Variants in FHIT observed in about 807,000 individuals in gnomAD.
The protein encoded by FHIT is fragile histidine triad diadenosine triphosphatase, also known as bis(5'-adenosyl)-triphosphatase.
FHIT carries 19 observed loss-of-function variants against 17.9 expected under a neutral mutation model. The observed-to-expected ratio is 1.06, with a 90% confidence interval of 0.74 to 1.56. The LOEUF (loss-of-function observed/expected upper bound fraction) is 1.56. Ranked by LOEUF, FHIT falls within the 40% of genes most tolerant of loss-of-function variation. The probability of loss-of-function intolerance (pLI) is 0.00; values close to 1 mark genes in which losing one functional copy is unlikely to be tolerated. For missense variants in FHIT, 248 were observed against 189.2 expected (o/e 1.31, Z -1.82); for synonymous variants, 81 against 69.7 (o/e 1.16, Z -0.81).
intron 8 of FHIT, among the ~76,000 whole-genome samples, chr3:59,908,680 T>A (rs546146831): frequency 1.3e-5 from 2 of 151,782 alleles, no homozygotes; most frequent in African/African-American, 4.8e-5. Context: ...GAATACAGAA[T>A]CTGAATTGAG....
chr3:60,174,355 T>C (rs1701571706), intron 5 of FHIT, among the ~76,000 whole-genome samples: 1 of 152,114 alleles, frequency 6.6e-6, no homozygotes, highest in Non-Finnish European at 1.5e-5. Context: ...TTCCCTTTGA[T>C]AGTACTCTTG....
chr3:60,300,073 G>A (rs927157887), intron 5 of FHIT, among the ~76,000 whole-genome samples: 1 of 151,976 alleles, frequency 6.6e-6, no homozygotes, highest in African/African-American at 2.4e-5. Flanking sequence ...AACGTCTAGG[G>A]AATTCACTAC....
chr3:60,959,086 T>G (rs576762207), intron 3 of FHIT, among the ~76,000 whole-genome samples: 1 of 152,312 alleles, frequency 6.6e-6, no homozygotes, highest in African/African-American at 2.4e-5. Context: ...ATATTCATAA[T>G]GGTCCTCATG....
chr3:61,146,803 C>T (rs1233999202), intron 2 of FHIT, among the ~76,000 whole-genome samples: 1 of 152,008 alleles, frequency 6.6e-6, no homozygotes, highest in East Asian at 1.9e-4. Context: ...AAACTATTCA[C>T]ATGGACATAC....
chr3:60,930,150 C>CAA (rs1707867180), intron 3 of FHIT, among the ~76,000 whole-genome samples: 1 of 150,434 alleles, frequency 6.6e-6, no homozygotes, highest in Non-Finnish European at 1.5e-5. Context: ...GCTGGGGAAA[C>CAA]CTGGCTAGCC....
chr3:60,278,846 G>C (rs1010973480), intron 5 of FHIT, among the ~76,000 whole-genome samples: 6 of 151,976 alleles, frequency 3.9e-5, no homozygotes, highest in Non-Finnish European at 7.4e-5. Context: ...AAATAAAAAT[G>C]AAAATAGAGC....
At chr3:60,067,267 T>G (rs1467145744) in intron 5 of FHIT, among the ~76,000 whole-genome samples, 1 of 152,206 alleles carries the variant, frequency 6.6e-6, no homozygotes, top group African/African-American at 2.4e-5. Context: ...TATGGAAGTC[T>G]ATCTGAAGAC....
intron 3 of FHIT, among the ~76,000 whole-genome samples, chr3:60,885,634 T>C (rs1553759132): frequency 6.6e-6 from 1 of 152,212 alleles, no homozygotes; most frequent in African/African-American, 2.4e-5. Flanking sequence ...TGTCCACTTC[T>C]ACCTCCTCAC....
intron 5 of FHIT, among the ~76,000 whole-genome samples, chr3:60,073,976 C>A (rs1428287329): frequency 1.3e-5 from 2 of 152,132 alleles, no homozygotes; most frequent in African/African-American, 4.8e-5. Flanking sequence ...GAGGAGTATA[C>A]TGTCACATTC....
chr3:60,226,570 C>T (rs1289197580), intron 5 of FHIT, among the ~76,000 whole-genome samples: 1 of 151,170 alleles, frequency 6.6e-6, no homozygotes, highest in Non-Finnish European at 1.5e-5. Flanking sequence ...TTGCTGCACA[C>T]AATGATTGCA....
intron 5 of FHIT, among the ~76,000 whole-genome samples, chr3:60,241,366 T>C (rs997513915): frequency 6.6e-6 from 1 of 152,174 alleles, no homozygotes; most frequent in African/African-American, 2.4e-5. Flanking sequence ...ATGTTTTAAG[T>C]CAAATTTATA....
At chr3:60,764,299 A>AAAT (rs1438116193) in intron 4 of FHIT, among the ~76,000 whole-genome samples, 1 of 152,122 alleles carries the variant, frequency 6.6e-6, no homozygotes, top group Non-Finnish European at 1.5e-5. Flanking sequence ...GCATCTGCCA[A>AAAT]AATGGTTTTA....
intron 4 of FHIT, among the ~76,000 whole-genome samples, chr3:60,754,260 C>T (rs943918698): frequency 3.9e-5 from 6 of 152,278 alleles, no homozygotes; most frequent in Non-Finnish European, 8.8e-5. Flanking sequence ...AAAATGAAAA[C>T]CAGCTCTTAA....
At chr3:60,449,875 C>T (rs538738997) in intron 5 of FHIT, among the ~76,000 whole-genome samples, 18 of 151,612 alleles carry the variant, frequency 1.2e-4, no homozygotes, top group African/African-American at 2.9e-4. Flanking sequence ...TGGTGGCACA[C>T]GCCTGTAGTC....
intron 2 of FHIT, among the ~76,000 whole-genome samples, chr3:61,174,426 T>C (rs2038097222): frequency 1.3e-5 from 2 of 152,170 alleles, no homozygotes; most frequent in Non-Finnish European, 2.9e-5. Flanking sequence ...TCTAAATAAA[T>C]AGGCATGTCA....
intron 8 of FHIT, among the ~76,000 whole-genome samples, chr3:59,896,418 C>A (rs1362323870): frequency 6.6e-6 from 1 of 152,114 alleles, no homozygotes; most frequent in Admixed American, 6.5e-5. Context: ...CAAATAGCAT[C>A]CTTTATTTAA....
intron 1 of FHIT, among the ~76,000 whole-genome samples, chr3:61,236,728 A>G (rs1430597654): frequency 6.6e-6 from 1 of 152,232 alleles, no homozygotes; most frequent in Non-Finnish European, 1.5e-5. Flanking sequence ...TGAGTCAGCT[A>G]TCTCAGGCAC....
intron 1 of FHIT, among the ~76,000 whole-genome samples, chr3:61,224,075 G>A (rs1451421452): frequency 6.6e-6 from 1 of 152,150 alleles, no homozygotes; most frequent in South Asian, 2.1e-4. Context: ...CAAGGATAGA[G>A]ATAAAGATGA....
chr3:60,498,642 G>A (rs537966208), intron 5 of FHIT, among the ~76,000 whole-genome samples: 1 of 152,194 alleles, frequency 6.6e-6, no homozygotes, highest in African/African-American at 2.4e-5. Context: ...TCTTTGTCAA[G>A]AAGGTCAAAT....
Sources: allele counts gnomAD v4.1 joint callset (sites outside exome capture counted in the v4.1 genomes callset), GRCh38; gene constraint gnomAD v4.1.1; transcripts MANE v1.5; gene names NCBI Gene and HGNC (gene_info 2026-07-23, HGNC 2026-07-21).